CTNNBL1: variants seen among roughly 807,000 people sequenced by gnomAD.
CTNNBL1 encodes the protein catenin beta like 1.
Under a neutral mutation model 72.7 loss-of-function variants are expected in CTNNBL1, and 31 were observed. The observed-to-expected ratio is 0.43, with a 90% CI of 0.32 to 0.58. The LOEUF (loss-of-function observed/expected upper bound fraction) is 0.58, where lower values mean the gene tolerates loss of function less well. Among genes scored for constraint, CTNNBL1 ranks in the 20% least tolerant of loss-of-function variants. The pLI is 0.08. For synonymous variants in CTNNBL1, 240 were observed against 267.3 expected, an observed-to-expected ratio of 0.90 and a Z score of 1.00; for missense variants, 534 against 725.1, an observed-to-expected ratio of 0.74 and a Z score of 3.03.
At chr20:37,869,991 A>C (rs1328960399) in intron 15 of CTNNBL1, among the ~76,000 whole-genome samples, 1 of 151,544 alleles carries the variant, frequency 6.6e-6, no homozygotes, top group Non-Finnish European at 1.5e-5. Context: ...AGAGTCACCA[A>C]ATCATCCCTC....
chr20:37,855,391 G>A (rs977873819), intron 13 of CTNNBL1, among the ~76,000 whole-genome samples: 9 of 152,154 alleles, frequency 5.9e-5, no homozygotes, highest in African/African-American at 2.2e-4. Flanking sequence ...CTTTATAATA[G>A]TCATTATTAC....
intron 15 of CTNNBL1, among the ~76,000 whole-genome samples, chr20:37,863,774 G>A (rs554576056): frequency 1.3e-5 from 2 of 152,250 alleles, no homozygotes; most frequent in African/African-American, 2.4e-5. Context: ...CTGGGGAATC[G>A]TTTGGGAAAT....
intron 11 of CTNNBL1, among the ~76,000 whole-genome samples, chr20:37,816,844 G>C (rs2072064270): frequency 6.6e-6 from 1 of 151,298 alleles, no homozygotes; most frequent in African/African-American, 2.4e-5. Context: ...AATAAATCAT[G>C]TCTATGTTAA....
intron 15 of CTNNBL1, among the ~76,000 whole-genome samples, chr20:37,870,710 C>T (rs904639488): frequency 2.0e-5 from 3 of 152,192 alleles, no homozygotes; most frequent in African/African-American, 7.2e-5. Context: ...AGTCAAATCA[C>T]GTCATTCCTT....
At chr20:37,737,240 C>CA in intron 2 of CTNNBL1, 138 bp from the exon 3 acceptor site, 3 of 638,250 alleles carry the variant, frequency 4.7e-6, no homozygotes, top group Middle Eastern at 8.9e-4. Flanking sequence ...CAAAACAAAA[C>CA]AAAAAAAGTG....
intron 11 of CTNNBL1, among the ~76,000 whole-genome samples, chr20:37,817,034 A>G (rs189785558): frequency 2.0e-5 from 3 of 152,326 alleles, no homozygotes; most frequent in South Asian, 2.1e-4. Context: ...ACATGATGTC[A>G]TTATCCCTAA....
intron 13 of CTNNBL1, among the ~76,000 whole-genome samples, chr20:37,854,403 G>A (rs928938101): frequency 1.1e-4 from 16 of 151,846 alleles, no homozygotes; most frequent in East Asian, 7.7e-4. Flanking sequence ...AGACAGCTCC[G>A]AAATCTATAC....
chr20:37,784,510 C>T (rs147385577), intron 10 of CTNNBL1, among the ~76,000 whole-genome samples: 28 of 152,264 alleles, frequency 1.8e-4, no homozygotes, highest in African/African-American at 6.5e-4. Context: ...TGTCTCTTGA[C>T]ATTACCATGA....
chr20:37,835,096 G>A (rs1200895916), intron 11 of CTNNBL1, among the ~76,000 whole-genome samples: 1 of 152,228 alleles, frequency 6.6e-6, no homozygotes, highest in African/African-American at 2.4e-5. Flanking sequence ...GATAAGGGCA[G>A]GCAGTTCAAG....
chr20:37,869,486 AC>A (rs1478156074), intron 15 of CTNNBL1, among the ~76,000 whole-genome samples: 1 of 152,240 alleles, frequency 6.6e-6, no homozygotes, highest in East Asian at 1.9e-4. Flanking sequence ...ATCCTTCAGC[AC>A]GACACTCTGC....
intron 11 of CTNNBL1, among the ~76,000 whole-genome samples, chr20:37,822,681 G>A (rs980385629): frequency 2.0e-5 from 3 of 152,234 alleles, no homozygotes; most frequent in Admixed American, 6.5e-5. Context: ...GCTGGCTCAT[G>A]AAGTGAGATC....
At chr20:37,863,867 G>C (rs972204323) in intron 15 of CTNNBL1, among the ~76,000 whole-genome samples, 1 of 152,164 alleles carries the variant, frequency 6.6e-6, no homozygotes, top group Non-Finnish European at 1.5e-5. Flanking sequence ...CAAACATCAC[G>C]CTGGCAATTA....
intron 1 of CTNNBL1, among the ~76,000 whole-genome samples, chr20:37,717,826 C>T (rs1419858041): frequency 6.6e-6 from 1 of 152,068 alleles, no homozygotes; most frequent in East Asian, 1.9e-4. Context: ...AGCATGCTGC[C>T]TTCAAGCATC....
rs370622188 is a variant in CTNNBL1 at position 37,765,647 on chromosome 20, G to A, written c.658+357G>A. 1.5e-4 allele frequency among the ~76,000 whole-genome samples: 23 copies of A among 152,230 alleles called. 1 individual carries two copies. Among genetic ancestry groups the A allele is most frequent in the South Asian group, 1.0e-3 (5 of 4,822 alleles). Reference sequence around the variant, plus strand: ...TAAACATTTTAAATCCTTTTAAGTCGTTTTTTCTTATCACTTTTCTTTCAT... The same window carrying A: ...TAAACATTTTAAATCCTTTTAAGTCATTTTTTCTTATCACTTTTCTTTCAT... On this transcript the variant is annotated intron_variant, in intron 6 of 15. Transcript: ENST00000361383.
At chr20:37,787,634 G>A (rs1370605535) in intron 10 of CTNNBL1, among the ~76,000 whole-genome samples, 4 of 152,180 alleles carry the variant, frequency 2.6e-5, no homozygotes, top group Non-Finnish European at 4.4e-5. Flanking sequence ...GTGAGCCACC[G>A]CGCCCGGCCC....
chr20:37,856,009 G>T (rs745816062), intron 13 of CTNNBL1, among the ~76,000 whole-genome samples: 1 of 152,108 alleles, frequency 6.6e-6, no homozygotes, highest in African/African-American at 2.4e-5. Context: ...GGCCGAGGCA[G>T]TTAGATCACC....
intron 1 of CTNNBL1, among the ~76,000 whole-genome samples, chr20:37,695,213 T>A (rs2072780485): frequency 6.6e-6 from 1 of 152,202 alleles, no homozygotes; most frequent in South Asian, 2.1e-4. Context: ...AAATTTTATT[T>A]TATTGTTATT....
intron 11 of CTNNBL1, among the ~76,000 whole-genome samples, chr20:37,811,089 G>A (rs978286828): frequency 7.2e-5 from 11 of 152,126 alleles, no homozygotes; most frequent in African/African-American, 2.4e-4. Flanking sequence ...AATTTTAGAG[G>A]TACTTGCCAG....
intron 1 of CTNNBL1, among the ~76,000 whole-genome samples, chr20:37,717,349 A>G (rs984094280): frequency 2.6e-5 from 4 of 152,220 alleles, no homozygotes; most frequent in African/African-American, 9.6e-5. Flanking sequence ...GTGCAGAACC[A>G]TTGTGTGAGT....
Sources: gnomAD v4.1 joint callset for allele counts (sites outside exome capture counted in the v4.1 genomes callset) on GRCh38, gnomAD v4.1.1 for gene constraint, MANE v1.5 for transcripts, NCBI Gene and HGNC (gene_info 2026-07-23, HGNC 2026-07-21) for gene names.